GPC6: variants seen among roughly 807,000 people sequenced by gnomAD.
GPC6 encodes the protein glypican 6.
In GPC6, 14 loss-of-function variants were observed where a neutral mutation model predicts 55.2. That is an observed-to-expected ratio of 0.25 (90% CI 0.17 to 0.40). The LOEUF is 0.40. GPC6 is among the 10% of genes least tolerant of loss of function. GPC6 has a pLI of 1.00. For synonymous variants in GPC6, 278 were observed against 259.6 expected, an observed-to-expected ratio of 1.07 and a Z score of -0.68; for missense variants, 641 against 708.5, an observed-to-expected ratio of 0.90 and a Z score of 1.08.
chr13:93,418,629 C>T (rs193154674), intron 1 of GPC6, among the ~76,000 whole-genome samples: 38 of 150,644 alleles, frequency 2.5e-4, no homozygotes, highest in South Asian at 6.3e-4. Flanking sequence ...TTATTAATAG[C>T]GCTATACCGT....
chr13:93,238,799 A>G (rs1191763288), intron 1 of GPC6, among the ~76,000 whole-genome samples: 1 of 152,024 alleles, frequency 6.6e-6, no homozygotes, highest in African/African-American at 2.4e-5. Context: ...TTTATCATGA[A>G]GTGATGCTGA....
At chr13:93,768,366 C>A (rs943594957) in intron 2 of GPC6, among the ~76,000 whole-genome samples, 1 of 152,190 alleles carries the variant, frequency 6.6e-6, no homozygotes, top group Non-Finnish European at 1.5e-5. Flanking sequence ...TTTACCCATT[C>A]CATAGCACGT....
chr13:93,502,220 A>G (rs1880548794), intron 1 of GPC6, among the ~76,000 whole-genome samples: 1 of 152,046 alleles, frequency 6.6e-6, no homozygotes, highest in South Asian at 2.1e-4. Context: ...GACAAAAACA[A>G]AACAAACAAA....
chr13:93,684,223 T>G (rs1195334977), intron 2 of GPC6, among the ~76,000 whole-genome samples: 1 of 152,164 alleles, frequency 6.6e-6, no homozygotes, highest in Non-Finnish European at 1.5e-5. Context: ...TTTGCTCTTG[T>G]TGCCCAGCCT....
In GPC6 at chr13:93,712,320, T is replaced by G. The variant is rs1883096116; in HGVS notation, c.320-117834T>G. ...TGTCCTTTCAGATTAAAAACTATCA[T>G]AATAGGGCAATCATATGAAATATAA... On this transcript the variant is annotated intron_variant, in intron 2 of 8. Transcript: ENST00000377047. Among the ~76,000 whole-genome samples the G allele has an allele frequency of 2.0e-5, 3 of 151,706 alleles. No individual in the cohort carries two copies. In the South Asian group the frequency reaches 6.2e-4, roughly 31 times the overall value.
At chr13:94,109,063 T>C (rs941385670) in intron 4 of GPC6, among the ~76,000 whole-genome samples, 3 of 141,976 alleles carry the variant, frequency 2.1e-5, no homozygotes, top group African/African-American at 9.4e-5. Context: ...GTGTTTCTCC[T>C]CTAAACATCA....
At chr13:94,160,275 C>A (rs1888110632) in intron 4 of GPC6, among the ~76,000 whole-genome samples, 1 of 152,102 alleles carries the variant, frequency 6.6e-6, no homozygotes. Context: ...ATGTAGTATA[C>A]ATAGGGTTTG....
intron 6 of GPC6, among the ~76,000 whole-genome samples, chr13:94,360,664 C>CTGA (rs1879019180): frequency 6.6e-6 from 1 of 152,160 alleles, no homozygotes; most frequent in South Asian, 2.1e-4. Context: ...TTAGCATGGA[C>CTGA]TGATAATTCA....
At chr13:93,370,113 A>C (rs1255301390) in intron 1 of GPC6, among the ~76,000 whole-genome samples, 1 of 152,120 alleles carries the variant, frequency 6.6e-6, no homozygotes, top group Non-Finnish European at 1.5e-5. Flanking sequence ...GACCGAGTAC[A>C]ATGCTGCATT....
chr13:93,768,007 A>G (rs1051970371), intron 2 of GPC6, among the ~76,000 whole-genome samples: 3 of 152,142 alleles, frequency 2.0e-5, no homozygotes, highest in African/African-American at 7.2e-5. Flanking sequence ...CCTAAGGGTG[A>G]TTAGAGCCCT....
intron 4 of GPC6, among the ~76,000 whole-genome samples, chr13:94,144,404 A>AACACACACAC (rs59772537): frequency 2.1e-3 from 306 of 143,410 alleles, no homozygotes; most frequent in Middle Eastern, 0.014. Flanking sequence ...GTGCTTTTAA[A>AACACACACAC]ACACACACAC....
At chr13:93,503,449 A>G (rs1880594535) in intron 1 of GPC6, among the ~76,000 whole-genome samples, 1 of 152,202 alleles carries the variant, frequency 6.6e-6, no homozygotes, top group South Asian at 2.1e-4. Flanking sequence ...AGTTATTTTC[A>G]TATTTCACTT....
chr13:93,348,032 T>C (rs1417287014), intron 1 of GPC6, among the ~76,000 whole-genome samples: 1 of 152,196 alleles, frequency 6.6e-6, no homozygotes, highest in Non-Finnish European at 1.5e-5. Context: ...TATTCCCTAC[T>C]GCACAACATT....
chr13:93,676,126 A>AATATATAT (rs764101821), intron 2 of GPC6, among the ~76,000 whole-genome samples: 1 of 15,682 alleles, frequency 6.4e-5, no homozygotes. Flanking sequence ...AAAAAAAAAA[A>AATATATAT]ATATATATAT....
intron 2 of GPC6, among the ~76,000 whole-genome samples, chr13:93,749,575 TAAACAG>T (rs552182030): frequency 7.9e-4 from 120 of 152,220 alleles, no homozygotes; most frequent in African/African-American, 2.6e-3. Context: ...AATTTATACT[TAAACAG>T]TAGAGCATTA....
intron 4 of GPC6, among the ~76,000 whole-genome samples, chr13:94,234,394 C>T (rs1268668832): frequency 6.6e-6 from 1 of 152,046 alleles, no homozygotes; most frequent in Non-Finnish European, 1.5e-5. Flanking sequence ...CACCAGACCA[C>T]CTCATGATCA....
intron 2 of GPC6, among the ~76,000 whole-genome samples, chr13:93,828,495 T>C (rs1043330251): frequency 6.6e-6 from 1 of 152,066 alleles, no homozygotes; most frequent in East Asian, 1.9e-4. Context: ...TATAAATATT[T>C]TGATAAATTT....
intron 4 of GPC6, among the ~76,000 whole-genome samples, chr13:94,247,915 C>T (rs1891244324): frequency 6.6e-6 from 1 of 151,934 alleles, no homozygotes. Context: ...CAGTGCATTG[C>T]AGCCTTAAAC....
intron 2 of GPC6, among the ~76,000 whole-genome samples, chr13:93,647,676 C>T (rs143946631): frequency 3.8e-4 from 58 of 152,182 alleles, no homozygotes; most frequent in African/African-American, 1.3e-3. Flanking sequence ...GTGATTCTTC[C>T]ATAACTGTCA....
Sources: allele counts gnomAD v4.1 joint callset (sites outside exome capture counted in the v4.1 genomes callset), GRCh38; gene constraint gnomAD v4.1.1; transcripts MANE v1.5; gene names NCBI Gene and HGNC (gene_info 2026-07-23, HGNC 2026-07-21).